The following INCENP variants were observed in gnomAD, a reference collection of about 807,000 sequenced individuals.
INCENP encodes the protein inner centromere protein.
A neutral mutation model predicts 107.3 loss-of-function variants in INCENP; 43 were observed. The observed-to-expected ratio is 0.40, with a 90% confidence interval of 0.31 to 0.52. INCENP has a LOEUF of 0.52. INCENP is among the 20% of genes least tolerant of loss of function. The probability of loss-of-function intolerance (pLI) is 0.53; values close to 1 mark genes in which losing one functional copy is unlikely to be tolerated. For synonymous variants in INCENP, 488 were observed against 494.4 expected (o/e 0.99, Z 0.17); for missense variants, 1,089 against 1,250.9 (o/e 0.87, Z 1.95).
intron 14 of INCENP, 122 bp from the exon 15 acceptor site, chr11:62,146,532 CCATT>C (rs1263361580): frequency 4.3e-6 from 6 of 1,399,926 alleles, no homozygotes; most frequent in Admixed American, 2.5e-5. Flanking sequence ...TCCCACGGCG[CCATT>C]CCTGGGTTGT....
At chr11:62,134,392 G>A (rs1324514698) in intron 4 of INCENP, among the ~76,000 whole-genome samples, 1 of 132,646 alleles carries the variant, frequency 7.5e-6, no homozygotes, top group African/African-American at 3.0e-5. Flanking sequence ...CAGACAGAGT[G>A]AGACTCTGTT....
intron 17 of INCENP, among the ~76,000 whole-genome samples, chr11:62,149,309 G>T (rs1212260994): frequency 6.6e-6 from 1 of 152,064 alleles, no homozygotes. Context: ...TTCAACACAG[G>T]TCAATTTCTT....
chr11:62,128,150 G>C lies in INCENP; in HGVS notation c.-11-1G>C. The C allele has an allele frequency of 6.2e-7, 1 of 1,613,986 alleles. No individual in the cohort carries two copies. The highest frequency in any genetic ancestry group is 8.5e-7 in the Non-Finnish European group (1 of 1,179,958). ...GTGCCTCTTGTCCCTGCCTTCACCA[G>C]ACAGAGCCACCATGGGGACGACGGC... is the stretch of plus-strand genomic sequence containing the variant. On this transcript the variant is annotated splice_acceptor_variant, in intron 1 of 18. Coordinates refer to ENST00000394818, the MANE Select transcript of INCENP (RefSeq NM_001040694.2). LOFTEE classifies it low-confidence loss of function (5UTR_SPLICE).
At chr11:62,144,265 G>A (rs1944186616) in intron 11 of INCENP, among the ~76,000 whole-genome samples, 1 of 151,808 alleles carries the variant, frequency 6.6e-6, no homozygotes, top group Non-Finnish European at 1.5e-5. Context: ...CTGGGAGGTG[G>A]AGGGTGCAGT....
chr11:62,145,978 C>T (rs544408831), intron 14 of INCENP, among the ~76,000 whole-genome samples: 1 of 152,358 alleles, frequency 6.6e-6, no homozygotes, highest in Admixed American at 6.5e-5. Context: ...TACTTGGAGC[C>T]AGACTGCCTA....
At chr11:62,133,519 C>T (rs1170809963) in intron 4 of INCENP, among the ~76,000 whole-genome samples, 1 of 152,156 alleles carries the variant, frequency 6.6e-6, no homozygotes, top group Non-Finnish European at 1.5e-5. Flanking sequence ...TTGGGGCGTT[C>T]GAGCCACCTC....
In INCENP at chr11:62,140,696, C is replaced by T. The variant is rs1446680888; in HGVS notation, c.1344-8C>T. Reference sequence around the variant, plus strand: ...TGCCCTGTGATGCCGCCGCCCGCGCCTTGGCAGGAGGAAGCGCAGCTACAA... The same window carrying T: ...TGCCCTGTGATGCCGCCGCCCGCGCTTTGGCAGGAGGAAGCGCAGCTACAA... On this transcript the variant is annotated splice_polypyrimidine_tract_variant and splice_region_variant and intron_variant, in intron 8 of 18. Coordinates refer to ENST00000394818, the MANE Select transcript of INCENP (RefSeq NM_001040694.2). 2 of 1,555,624 alleles carry T rather than the reference C, an allele frequency of 1.3e-6. No individual in the cohort carries two copies. Among genetic ancestry groups the T allele is most frequent in the Non-Finnish European group, 1.7e-6 (2 of 1,150,930 alleles).
intron 4 of INCENP, among the ~76,000 whole-genome samples, chr11:62,136,401 T>G (rs1470333079): frequency 3.3e-5 from 5 of 152,088 alleles, no homozygotes; most frequent in Non-Finnish European, 7.4e-5. Context: ...TTAGGACTTT[T>G]GCAGGCGCAG....
At chr11:62,145,140 G>T (rs762062819) in intron 12 of INCENP, 29 bp from the exon 13 acceptor site, 7 of 1,613,932 alleles carry the variant, frequency 4.3e-6, no homozygotes, top group Non-Finnish European at 5.1e-6. Flanking sequence ...CCTTGGTGGG[G>T]CTCCCCATGA....
At chr11:62,150,908 C>G (rs908268351) in intron 18 of INCENP, among the ~76,000 whole-genome samples, 1 of 152,076 alleles carries the variant, frequency 6.6e-6, no homozygotes, top group African/African-American at 2.4e-5. Flanking sequence ...GAGGGAAGGG[C>G]CTGGAATCCC....
chr11:62,141,703 T>A (rs554788267), intron 11 of INCENP, 192 bp downstream of exon 11: 19 of 729,994 alleles, frequency 2.6e-5, no homozygotes, highest in African/African-American at 2.1e-4. Flanking sequence ...CCCAGCGTCC[T>A]TCTCTGCCCT....
Position 62,138,785 on chromosome 11 carries a change from T to TG in INCENP, c.1173+19dup, listed in dbSNP as rs1565096352. On this transcript the variant is annotated intron_variant, in intron 6 of 18. Coordinates refer to ENST00000394818, the MANE Select transcript of INCENP (RefSeq NM_001040694.2). Reference sequence around the variant, plus strand: ...CTGAGCCAGAGGTAAGACGGCTGCCTGGGGAAGGGAGGACTCACCTCTGGG... The same window carrying TG: ...CTGAGCCAGAGGTAAGACGGCTGCCTGGGGGAAGGGAGGACTCACCTCTGGG... 1 of 1,613,700 alleles carries TG rather than the reference T, an allele frequency of 6.2e-7. No individual in the cohort carries two copies. The highest frequency in any genetic ancestry group is 1.1e-5 in the South Asian group (1 of 91,084).
At chr11:62,125,772 G>C (rs1361538858) in intron 1 of INCENP, among the ~76,000 whole-genome samples, 2 of 152,320 alleles carry the variant, frequency 1.3e-5, no homozygotes, top group South Asian at 4.1e-4. Context: ...TTGTTGCCAG[G>C]CACTGCTGTG....
At chr11:62,124,529 C>T (rs1453339286) in intron 1 of INCENP, among the ~76,000 whole-genome samples, 1 of 152,218 alleles carries the variant, frequency 6.6e-6, no homozygotes, top group African/African-American at 2.4e-5. Flanking sequence ...GCAGTTAAAC[C>T]CCTCTCTCAA....
intron 11 of INCENP, among the ~76,000 whole-genome samples, chr11:62,143,970 C>G (rs1338747524): frequency 2.0e-5 from 3 of 152,244 alleles, no homozygotes; most frequent in African/African-American, 7.2e-5. Context: ...TCTGTGTCTG[C>G]CCAGGAGGGG....
rs1484951013 is a variant in INCENP, at chr11:62,129,863, A to G, written c.336A>G (p.Thr112=). 1.2e-5 allele frequency: 19 copies of G among 1,613,244 alleles called. No homozygotes were observed. The highest frequency in any genetic ancestry group is 1.5e-5 in the Non-Finnish European group (18 of 1,180,022). Residue 112 remains threonine (T), a synonymous_variant, in exon 4 of 19, where the codon ACA becomes ACG. Coordinates refer to ENST00000394818, the MANE Select transcript of INCENP (RefSeq NM_001040694.2). ...AGGACAGTGTAGAGAAGCTGGCTAC[A>G]GTGGTCGGGGAGAACGGCTCCGTCC... is the stretch of plus-strand genomic sequence containing the variant. ...RSKDSVEKLA[T]VVGENGSVLR...
intron 4 of INCENP, among the ~76,000 whole-genome samples, chr11:62,136,997 C>T (rs1191220913): frequency 6.6e-6 from 1 of 152,216 alleles, no homozygotes; most frequent in Non-Finnish European, 1.5e-5. Context: ...CTGGCCTGGA[C>T]ATCCTCCTCC....
intron 1 of INCENP, among the ~76,000 whole-genome samples, chr11:62,126,109 G>T (rs1943742444): frequency 6.6e-6 from 1 of 152,168 alleles, no homozygotes; most frequent in African/African-American, 2.4e-5. Context: ...AACCTGACCT[G>T]GTGCTACGCC....
chr11:62,138,751 T>TGGCGGCAGCTGAGCCAGA lies in INCENP; in HGVS notation c.1157_1173+1dup. ...GAACCCCCCGAGGAGGCTGAGCCTG[T>TGGCGGCAGCTGAGCCAGA]GGCGGCAGCTGAGCCAGAGGTAAGA... On this transcript the variant is annotated inframe_insertion, in exon 6 of 19. Transcript: ENST00000394818. The TGGCGGCAGCTGAGCCAGA allele has an allele frequency of 2.5e-6, 4 of 1,614,082 alleles. No homozygotes were observed. The highest frequency in any genetic ancestry group is 3.4e-6 in the Non-Finnish European group (4 of 1,179,972).
Sources: gnomAD v4.1 joint callset for allele counts (sites outside exome capture counted in the v4.1 genomes callset) on GRCh38, gnomAD v4.1.1 for gene constraint, MANE v1.5 for transcripts, NCBI Gene and HGNC (gene_info 2026-07-23, HGNC 2026-07-21) for gene names.